Variants in CDC37 observed in about 807,000 individuals in gnomAD.
The protein encoded by CDC37 is hsp90 co-chaperone Cdc37.
A neutral mutation model predicts 46.9 loss-of-function variants in CDC37; 9 were observed. The ratio of observed to expected loss-of-function variants is 0.19; its 90% CI spans 0.12 to 0.33. The LOEUF (loss-of-function observed/expected upper bound fraction) is 0.33, where lower values mean the gene tolerates loss of function less well. Among genes scored for constraint, CDC37 ranks in the 10% least tolerant of loss-of-function variants. CDC37 has a pLI of 1.00. For synonymous variants in CDC37, 193 were observed against 191.0 expected, an observed-to-expected ratio of 1.01 and a Z score of -0.09; for missense variants, 388 against 514.6, an observed-to-expected ratio of 0.75 and a Z score of 2.38.
chr19:10,394,288 C>G (rs896810860), intron 5 of CDC37, among the ~76,000 whole-genome samples: 1 of 152,024 alleles, frequency 6.6e-6, no homozygotes, highest in African/African-American at 2.4e-5. Flanking sequence ...ACCCAAAACC[C>G]TAGAGGCACC....
chr19:10,396,069 T>C lies in CDC37; in HGVS notation c.237A>G (p.Ala79=). 6.2e-7 allele frequency: 1 copy of C among 1,614,054 alleles called. No homozygotes were observed. The highest frequency in any genetic ancestry group is 8.5e-7 in the Non-Finnish European group (1 of 1,179,968). The change falls in exon 2 of 8, where the codon GCA becomes GCG. Residue 79 remains alanine, a synonymous_variant. Coordinates refer to ENST00000222005, the MANE Select transcript of CDC37 (RefSeq NM_007065.4). This position sits in a 1 kb window ranked among gnomAD's most constrained non-coding sequence, Gnocchi z 5.9. ...KELEVAEGGK[A]ELERLQAEAQ... The stretch of plus-strand genomic sequence containing the variant: ...CCTCGGCCTGCAGGCGCTCCAGCTC[T>C]GCCTTGCCGCCCTCGGCCACCTCCA...
At chr19:10,397,566 A>ACG (rs2042498840) in intron 1 of CDC37, among the ~76,000 whole-genome samples, 1 of 151,706 alleles carries the variant, frequency 6.6e-6, no homozygotes, top group Admixed American at 6.6e-5. Flanking sequence ...ACGCGCCACC[A>ACG]CGCCTGGGTA....
At chr19:10,403,128 G>A (rs1317889610) in intron 1 of CDC37, among the ~76,000 whole-genome samples, 1 of 152,104 alleles carries the variant, frequency 6.6e-6, no homozygotes, top group East Asian at 1.9e-4. Context: ...AGACTATGAA[G>A]AAGTTCTAGG....
chr19:10,396,719 C>T lies in CDC37; in HGVS notation c.103-516G>A, dbSNP rs2042494365. On this transcript the variant is annotated intron_variant, in intron 1 of 7. Coordinates refer to ENST00000222005, the MANE Select transcript of CDC37 (RefSeq NM_007065.4). This position sits in a 1 kb window ranked among gnomAD's most constrained non-coding sequence, Gnocchi z 5.9. Reference sequence around the variant, plus strand: ...CCAAGTAGCTGGGACTACAGGTGTGCACCAGCACGCCCAGCTAATTTTTGT... The same window carrying T: ...CCAAGTAGCTGGGACTACAGGTGTGTACCAGCACGCCCAGCTAATTTTTGT... 6.6e-6 allele frequency among the ~76,000 whole-genome samples: 1 copy of T among 152,118 alleles called. No homozygotes were observed. The highest frequency in any genetic ancestry group is 2.4e-5 in the African/African-American group (1 of 41,426).
At chr19:10,400,097 A>G (rs557730510) in intron 1 of CDC37, among the ~76,000 whole-genome samples, 14 of 152,122 alleles carry the variant, frequency 9.2e-5, no homozygotes, top group Non-Finnish European at 1.8e-4. Flanking sequence ...GGCCGCAGCT[A>G]AAAAAGGCCT....
Position 10,398,062 on chromosome 19 carries a change from CCTGAAACG to C in CDC37, c.103-1867_103-1860del, listed in dbSNP as rs2145419260. On this transcript the variant is annotated intron_variant, in intron 1 of 7. Coordinates refer to ENST00000222005, the MANE Select transcript of CDC37 (RefSeq NM_007065.4). This position sits in a 1 kb window ranked among gnomAD's most constrained non-coding sequence, Gnocchi z 4.2. ...AGAGCCACTAATCAAACCCTGAAACCCTGAAACGTGCCACCACCTTCAATTGCTGACCC... is the reference window on the plus strand; with the variant it reads ...AGAGCCACTAATCAAACCCTGAAACCTGCCACCACCTTCAATTGCTGACCC... Among the ~76,000 whole-genome samples the C allele has an allele frequency of 6.6e-6, 1 of 152,258 alleles. No homozygotes were observed. Among genetic ancestry groups the C allele is most frequent in the East Asian group, 1.9e-4 (1 of 5,180 alleles).
At position 10,398,155 on chromosome 19, in the gene CDC37, G is replaced by GT. The variant is rs2145419308; in HGVS notation, c.103-1953dup. Among the ~76,000 whole-genome samples the GT allele has an allele frequency of 6.6e-6, 1 of 152,256 alleles. No homozygotes were observed. Among genetic ancestry groups the GT allele is most frequent in the East Asian group, 1.9e-4 (1 of 5,180 alleles). ...CTGTGAAGCCCATGCATTTGACCAC[G>GT]TGACCAGAGTCCTCCCCACTACATC... is the stretch of plus-strand genomic sequence containing the variant. On this transcript the variant is annotated intron_variant, in intron 1 of 7. Transcript: ENST00000222005. This position sits in a 1 kb window ranked among gnomAD's most constrained non-coding sequence, Gnocchi z 4.2.
Position 10,393,037 on chromosome 19 carries a change from G to A in CDC37, c.981+49C>T, listed in dbSNP as rs910442157. On this transcript the variant is annotated intron_variant, in intron 7 of 7. Coordinates refer to ENST00000222005, the MANE Select transcript of CDC37 (RefSeq NM_007065.4). The surrounding 1 kb of genome is among the most constrained non-coding windows in gnomAD (Gnocchi z 4.9). ...TCAGAGACTTGGGACACAGGGCTGG[G>A]GGAGACACACGGCCCGCCGGGAAGG... is the stretch of plus-strand genomic sequence containing the variant. 1 of 1,521,438 alleles carries A rather than the reference G, an allele frequency of 6.6e-7. No homozygotes were observed. The highest frequency in any genetic ancestry group is 9.1e-7 in the Non-Finnish European group (1 of 1,095,592). 94.2% of individuals were successfully genotyped at this position (1,521,438 alleles called of 1,614,324 possible).
intron 1 of CDC37, among the ~76,000 whole-genome samples, chr19:10,402,956 G>A (rs751238633): frequency 5.3e-5 from 8 of 151,914 alleles, no homozygotes; most frequent in Non-Finnish European, 1.0e-4. Context: ...CTACGGAGGT[G>A]GGGGGGCGAT....
At position 10,393,171 on chromosome 19, in the gene CDC37, G is replaced by C; in HGVS notation, c.910-14C>G. Reference sequence around the variant, plus strand: ...CTTCTGGAGTTCCTGGGGGTACAGAGGGGCTGGGGTCAGGGGCTGGGTCCC... The same window carrying C: ...CTTCTGGAGTTCCTGGGGGTACAGACGGGCTGGGGTCAGGGGCTGGGTCCC... On this transcript the variant is annotated splice_polypyrimidine_tract_variant and intron_variant, in intron 6 of 7. Transcript: ENST00000222005. This position sits in a 1 kb window ranked among gnomAD's most constrained non-coding sequence, Gnocchi z 4.9. The C allele has an allele frequency of 6.2e-7, 1 of 1,613,684 alleles. No individual in the cohort carries two copies. Among genetic ancestry groups the C allele is most frequent in the Non-Finnish European group, 8.5e-7 (1 of 1,179,656 alleles).
At chr19:10,392,595 T>A (rs1225336294) in intron 7 of CDC37, among the ~76,000 whole-genome samples, 1 of 152,202 alleles carries the variant, frequency 6.6e-6, no homozygotes, top group East Asian at 1.9e-4. Context: ...TAGCTAGATG[T>A]CATGGTGTCA....
Position 10,403,411 on chromosome 19 carries a change from G to A in CDC37, c.69C>T (p.Ile23=), listed in dbSNP as rs1278107428. The part of the protein sequence containing the change: ...SDDEDETHPN[I]DTASLFRWRH... Reference sequence around the variant, plus strand: ...GCCAGCGGAAGAGACTGGCCGTGTCGATGTTGGGGTGCGTCTCGTCTTCAT... The same window carrying A: ...GCCAGCGGAAGAGACTGGCCGTGTCAATGTTGGGGTGCGTCTCGTCTTCAT... Residue 23 remains isoleucine (I), a synonymous_variant, in exon 1 of 8, where the codon ATC becomes ATT. Transcript: ENST00000222005. The A allele has an allele frequency of 1.2e-6, 2 of 1,613,422 alleles. No homozygotes were observed. Among genetic ancestry groups the A allele is most frequent in the Non-Finnish European group, 1.7e-6 (2 of 1,179,950 alleles).
chr19:10,394,136 C>T (rs2145416581), intron 5 of CDC37, among the ~76,000 whole-genome samples: 1 of 152,110 alleles, frequency 6.6e-6, no homozygotes, highest in South Asian at 2.1e-4. Flanking sequence ...GGCTGGCAGG[C>T]ACCTGTAATC....
At position 10,391,575 on chromosome 19, in the gene CDC37, G is replaced by T. The variant is rs373049246; in HGVS notation, c.1113C>A (p.Gly371=). ...DPLLEAVPKT[G]DEKDVSV Reference sequence around the variant, plus strand: ...GTCACACACTGACATCCTTCTCATCGCCCGTCTTGGGAACAGCTTCCAGTA... The same window carrying T: ...GTCACACACTGACATCCTTCTCATCTCCCGTCTTGGGAACAGCTTCCAGTA... The change falls in exon 8 of 8, where the codon GGC becomes GGA. Residue 371 remains glycine (G), a synonymous_variant. Transcript: ENST00000222005. 2 of 1,614,182 alleles carry T rather than the reference G, an allele frequency of 1.2e-6. No individual in the cohort carries two copies. Among genetic ancestry groups the T allele is most frequent in the African/African-American group, 2.7e-5 (2 of 75,054 alleles).
intron 2 of CDC37, 96 bp downstream of exon 2, chr19:10,395,832 G>C: frequency 7.6e-7 from 1 of 1,314,784 alleles, no homozygotes; most frequent in Non-Finnish European, 1.0e-6. Context: ...TACACCACCG[G>C]GGTCCTCCCC....
chr19:10,402,157 C>CAAAAA (rs753021871), intron 1 of CDC37, among the ~76,000 whole-genome samples: 4 of 63,830 alleles, frequency 6.3e-5, no homozygotes, highest in African/African-American at 2.5e-4. Context: ...AACTTCGTCT[C>CAAAAA]AAAAAAAAAA....
In CDC37 at chr19:10,398,452, G is replaced by A. The variant is rs2042502693; in HGVS notation, c.103-2249C>T. Among the ~76,000 whole-genome samples, 1 of 152,218 alleles carries A rather than the reference G, an allele frequency of 6.6e-6. No individual in the cohort carries two copies. Among genetic ancestry groups the A allele is most frequent in the Non-Finnish European group, 1.5e-5 (1 of 68,042 alleles). ...GAGGGTGCTGGAGGACAGCCTTGGG[G>A]CAACGGCCCCTGGGTCCTAGCCCAC... On this transcript the variant is annotated intron_variant, in intron 1 of 7. Transcript: ENST00000222005. The surrounding 1 kb of genome is among the most constrained non-coding windows in gnomAD (Gnocchi z 4.2).
chr19:10,393,395 G>C lies in CDC37; in HGVS notation c.773C>G (p.Ala258Gly). Reference protein sequence around the residue: ...YMEGFNDELEAFKERVRGRAK... With the variant: ...YMEGFNDELEGFKERVRGRAK... ...ACGGCCCCGCACACGCTCCTTGAAGGCTTCCAGCTCGTCGTTGAAGCCCTC... is the reference window on the plus strand; with the variant it reads ...ACGGCCCCGCACACGCTCCTTGAAGCCTTCCAGCTCGTCGTTGAAGCCCTC... The change falls in exon 6 of 8, where the codon GCC becomes GGC. Residue 258 changes from alanine to glycine, a missense_variant. Around this residue, in one of 2 missense-constraint regions of CDC37, gnomAD observed 374 missense variants for 467.4 expected, o/e 0.80. Transcript: ENST00000222005. The surrounding 1 kb of genome is among the most constrained non-coding windows in gnomAD (Gnocchi z 4.9). 1 of 1,613,968 alleles carries C rather than the reference G, an allele frequency of 6.2e-7. No homozygotes were observed. Among genetic ancestry groups the C allele is most frequent in the Non-Finnish European group, 8.5e-7 (1 of 1,180,002 alleles).
chr19:10,393,383 C>T lies in CDC37; in HGVS notation c.785G>A (p.Arg262His), dbSNP rs748196343. 6.8e-6 allele frequency: 11 copies of T among 1,613,924 alleles called. No individual in the cohort carries two copies. Among genetic ancestry groups the T allele is most frequent in the East Asian group, 2.2e-5 (1 of 44,898 alleles). Residue 262 changes from arginine (R) to histidine (H), a missense_variant, in exon 6 of 8, where the codon CGT (arginine) becomes CAT (histidine). Arg to His is a conservative substitution (Grantham distance 29). Coordinates refer to ENST00000222005, the MANE Select transcript of CDC37 (RefSeq NM_007065.4). The surrounding 1 kb of genome is among the most constrained non-coding windows in gnomAD (Gnocchi z 4.9). ...GCGCAGCTTGGCACGGCCCCGCACACGCTCCTTGAAGGCTTCCAGCTCGTC... is the reference window on the plus strand; with the variant it reads ...GCGCAGCTTGGCACGGCCCCGCACATGCTCCTTGAAGGCTTCCAGCTCGTC... ...FNDELEAFKERVRGRAKLRIE... is the reference protein window; with the variant it reads ...FNDELEAFKEHVRGRAKLRIE...
Sources: allele counts gnomAD v4.1 joint callset (sites outside exome capture counted in the v4.1 genomes callset), GRCh38; gene constraint gnomAD v4.1.1; regional missense constraint gnomAD v4.1.1; non-coding constraint Gnocchi (gnomAD v3.1); transcripts MANE v1.5; gene names NCBI Gene and HGNC (gene_info 2026-07-23, HGNC 2026-07-21).